Variants in DPP6 observed in about 807,000 individuals in gnomAD.
DPP6 encodes the protein A-type potassium channel modulatory protein DPP6.
Under a neutral mutation model 122.6 loss-of-function variants are expected in DPP6, and 69 were observed. The observed-to-expected ratio is 0.56, with a 90% CI of 0.46 to 0.69. DPP6 has a LOEUF of 0.69. Among genes scored for constraint, DPP6 ranks in the 30% least tolerant of loss-of-function variants. DPP6 has a pLI of 0.00. For missense variants in DPP6, 928 were observed against 1,116.9 expected (o/e 0.83, Z 2.41); for synonymous variants, 418 against 433.1 (o/e 0.97, Z 0.43).
chr7:154,577,408 G>A (rs929355211), intron 5 of DPP6, among the ~76,000 whole-genome samples: 35 of 152,260 alleles, frequency 2.3e-4, no homozygotes, highest in Non-Finnish European at 4.6e-4. Context: ...GCTGATCAAA[G>A]GGCAGATGTT....
At chr7:153,887,789 G>A (rs1799001345) in intron 1 of DPP6, 1 of 1,589,236 alleles carries the variant, frequency 6.3e-7, no homozygotes, top group Non-Finnish European at 8.6e-7. Context: ...CGTGAGGAGC[G>A]ATGCTGGGGG....
At chr7:154,352,597 T>C (rs11978614) in intron 1 of DPP6, among the ~76,000 whole-genome samples, 2,387 of 152,112 alleles carry the variant, frequency 0.016, 72 homozygotes, top group African/African-American at 0.055. Context: ...AGACTACATG[T>C]TCTCACTCAT....
At chr7:154,269,830 A>G (rs565130585) in intron 1 of DPP6, among the ~76,000 whole-genome samples, 63 of 152,276 alleles carry the variant, frequency 4.1e-4, no homozygotes, top group African/African-American at 1.5e-3. Flanking sequence ...GGAAATCTAC[A>G]TTGTCATTAA....
At chr7:154,240,011 A>C (rs1801483088) in intron 1 of DPP6, among the ~76,000 whole-genome samples, 1 of 81,216 alleles carries the variant, frequency 1.2e-5, no homozygotes, top group African/African-American at 1.3e-4. Context: ...AAAAAAAAAA[A>C]AAAAAAAAAA....
intron 1 of DPP6, among the ~76,000 whole-genome samples, chr7:154,034,611 T>G (rs1175630690): frequency 6.6e-6 from 1 of 152,228 alleles, no homozygotes; most frequent in Non-Finnish European, 1.5e-5. Context: ...ACATTTGTTT[T>G]GGAGCTCGAC....
At chr7:154,802,359 ACCCCTGGGATGGAATCGGG>A (rs1798423604) in intron 13 of DPP6, among the ~76,000 whole-genome samples, 1 of 68,270 alleles carries the variant, frequency 1.5e-5, no homozygotes, top group Non-Finnish European at 5.2e-5. Flanking sequence ...GGGCTGCGGG[ACCCCTGGGATGGAATCGGG>A]GTGGGGGCTG....
intron 7 of DPP6, among the ~76,000 whole-genome samples, chr7:154,702,282 A>G (rs1840573543): frequency 6.6e-6 from 1 of 152,238 alleles, no homozygotes; most frequent in South Asian, 2.1e-4. Flanking sequence ...ATCTTATAAA[A>G]TGGCCTGTAA....
At chr7:154,813,880 T>TC (rs1328820391) in intron 16 of DPP6, among the ~76,000 whole-genome samples, 1 of 140,942 alleles carries the variant, frequency 7.1e-6, no homozygotes, top group Non-Finnish European at 1.5e-5. Context: ...CACATTTCTT[T>TC]TTTTTTTTTT....
intron 1 of DPP6, among the ~76,000 whole-genome samples, chr7:153,921,661 A>G (rs757175921): frequency 6.6e-6 from 1 of 152,232 alleles, no homozygotes; most frequent in Non-Finnish European, 1.5e-5. Context: ...CAAGCTCTGC[A>G]CACAGTGAGT....
intron 6 of DPP6, among the ~76,000 whole-genome samples, chr7:154,638,512 G>C (rs1047176705): frequency 6.6e-6 from 1 of 152,052 alleles, no homozygotes; most frequent in Non-Finnish European, 1.5e-5. Flanking sequence ...TTTTGACTGG[G>C]CCCCCCGGCT....
chr7:154,289,651 T>C (rs1805077248), intron 1 of DPP6, among the ~76,000 whole-genome samples: 1 of 152,198 alleles, frequency 6.6e-6, no homozygotes, highest in African/African-American at 2.4e-5. Flanking sequence ...CTGCAACTCA[T>C]AAATAAACTG....
At chr7:154,852,048 G>A (rs1584893816) in intron 16 of DPP6, among the ~76,000 whole-genome samples, 1 of 152,106 alleles carries the variant, frequency 6.6e-6, no homozygotes, top group East Asian at 1.9e-4. Context: ...ACCTCTCAAG[G>A]GTAGAGGACT....
chr7:154,056,566 C>A (rs913352399), intron 1 of DPP6, among the ~76,000 whole-genome samples: 3 of 152,002 alleles, frequency 2.0e-5, no homozygotes. Context: ...GTTCCTGTAT[C>A]CTTCATTTTC....
chr7:154,387,156 T>G (rs2151156725), intron 1 of DPP6, among the ~76,000 whole-genome samples: 1 of 152,322 alleles, frequency 6.6e-6, no homozygotes, highest in South Asian at 2.1e-4. Flanking sequence ...AGGTCATTCT[T>G]GGTCTCTGAG....
At chr7:154,394,575 T>C (rs934727230) in intron 1 of DPP6, among the ~76,000 whole-genome samples, 12 of 152,134 alleles carry the variant, frequency 7.9e-5, no homozygotes, top group African/African-American at 2.9e-4. Flanking sequence ...TTATGCAAAA[T>C]TTTAAACAAT....
chr7:153,780,364 T>C, the DPP6 span, among the ~76,000 whole-genome samples: 19 of 152,198 alleles, frequency 1.2e-4, no homozygotes, highest in African/African-American at 4.3e-4. Flanking sequence ...CTGACCTTTT[T>C]TTTAAAAACA....
chr7:154,399,011 G>A (rs914298370), intron 1 of DPP6, among the ~76,000 whole-genome samples: 1 of 152,162 alleles, frequency 6.6e-6, no homozygotes, highest in African/African-American at 2.4e-5. Flanking sequence ...TTGGAGCAGG[G>A]CTCTTAATTG....
intron 10 of DPP6, among the ~76,000 whole-genome samples, chr7:154,785,977 C>T (rs1442073289): frequency 2.0e-5 from 3 of 152,202 alleles, no homozygotes; most frequent in Non-Finnish European, 4.4e-5. Flanking sequence ...GTCTGTCTCT[C>T]TGAGTGCCCT....
chr7:154,750,166 C>T (rs906341922), intron 8 of DPP6, among the ~76,000 whole-genome samples: 29 of 152,172 alleles, frequency 1.9e-4, no homozygotes, highest in Non-Finnish European at 1.8e-4. Flanking sequence ...CACGGATGGC[C>T]GCTGACATGG....
Sources: gnomAD v4.1 joint callset for allele counts (sites outside exome capture counted in the v4.1 genomes callset) on GRCh38, gnomAD v4.1.1 for gene constraint, MANE v1.5 for transcripts, NCBI Gene and HGNC (gene_info 2026-07-23, HGNC 2026-07-21) for gene names.